Variants in COMMD5 observed in about 807,000 individuals in gnomAD.
COMMD5 encodes COMM domain containing 5.
A neutral mutation model predicts 6.9 loss-of-function variants in COMMD5; 10 were observed. That is an observed-to-expected ratio of 1.44 (90% CI 0.89 to 2.45). COMMD5 has a LOEUF of 2.45. Among genes scored for constraint, COMMD5 ranks in the 30% most tolerant of loss-of-function variants. The pLI is 0.00. For synonymous variants in COMMD5, 127 were observed against 125.3 expected, an observed-to-expected ratio of 1.01 and a Z score of -0.09; for missense variants, 234 against 287.8, an observed-to-expected ratio of 0.81 and a Z score of 1.35.
chr8:144,846,394 T>C (rs749363891), downstream of COMMD5: 13 of 551,868 alleles, frequency 2.4e-5, no homozygotes, highest in Non-Finnish European at 3.8e-5. Flanking sequence ...TTGAAAACTA[T>C]GTTAAAATCG....
chr8:144,847,514 G>A (rs577064318), downstream of COMMD5: 3 of 152,198 alleles, frequency 2.0e-5, no homozygotes, highest in Non-Finnish European at 4.4e-5. Flanking sequence ...ACCTAGGCCT[G>A]GAATTGCTTT....
At chr8:144,851,456 G>A in intron 1 of COMMD5, 61 bp from the exon 2 acceptor site, 2 of 1,082,210 alleles carry the variant, frequency 1.8e-6, no homozygotes, top group Non-Finnish European at 2.7e-6. Context: ...CAGCGAGTGA[G>A]GGTTGATATG....
Position 144,850,890 on chromosome 8 carries a change from G to T in COMMD5, c.449C>A (p.Pro150Gln). The T allele has an allele frequency of 6.2e-7, 1 of 1,611,156 alleles. No homozygotes were observed. Among genetic ancestry groups the T allele is most frequent in the Non-Finnish European group, 8.5e-7 (1 of 1,179,016 alleles). The change falls in exon 2 of 2, where the codon CCG becomes CAG. Residue 150 changes from proline (P) to glutamine (Q), a missense_variant. Physicochemically the swap from Pro to Gln is moderately conservative, Grantham distance 76 (BLOSUM62 -1). Coordinates refer to ENST00000305103, the MANE Select transcript of COMMD5 (RefSeq NM_014066.4). The surrounding 1 kb of genome is among the most constrained non-coding windows in gnomAD (Gnocchi z 4.0). ...SVAQQQGAWLPHVADFRWRVD... is the reference protein window; with the variant it reads ...SVAQQQGAWLQHVADFRWRVD... ...CCGCCACCGAAAGTCAGCAACATGC[G>T]GCAGCCAGGCCCCCTGCTGCTGGGC...
intron 1 of COMMD5, chr8:144,841,938 C>A (rs1563842067): frequency 6.2e-7 from 1 of 1,614,108 alleles, no homozygotes; most frequent in Non-Finnish European, 8.5e-7. Context: ...GAGAGAAACC[C>A]TTTAAATGCA....
chr8:144,848,083 T>C (rs1048216835), downstream of COMMD5, among the ~76,000 whole-genome samples: 6 of 152,134 alleles, frequency 3.9e-5, no homozygotes, highest in African/African-American at 1.4e-4. Context: ...TGGTGGCTCA[T>C]TGCTGTAAAA....
chr8:144,847,988 C>T (rs3853557), downstream of COMMD5, among the ~76,000 whole-genome samples: 54,391 of 151,844 alleles, frequency 0.36, 9,872 homozygotes, highest in South Asian at 0.45. Context: ...ATGGGGTTGG[C>T]GCCAACCATG....
At chr8:144,843,266 TTGGTA>T (rs1830211542) in intron 1 of COMMD5, 8 of 1,379,462 alleles carry the variant, frequency 5.8e-6, no homozygotes, top group Non-Finnish European at 6.8e-6. Context: ...ATGTAGAATG[TTGGTA>T]AAGGTTCAGA....
chr8:144,841,858 G>A lies in COMMD5; in HGVS notation c.*117-115C>T, dbSNP rs548449450. 2.4e-5 allele frequency: 39 copies of A among 1,614,132 alleles called. No homozygotes were observed. Among genetic ancestry groups the A allele is most frequent in the Admixed American group, 3.3e-5 (2 of 60,026 alleles). ...TAACTGCCATGGAGAGAAGCCGTAC[G>A]AATGTGCAGAGTGTGGGAAAGTCTT... is the stretch of plus-strand genomic sequence containing the variant. On this transcript the variant is annotated intron_variant and NMD_transcript_variant, in intron 1 of 1. Transcript: ENST00000530332.
intron 1 of COMMD5, chr8:144,843,357 A>G (rs1291544875): frequency 6.5e-6 from 4 of 617,570 alleles, no homozygotes; most frequent in Middle Eastern, 4.4e-4. Flanking sequence ...TGGGAGGCCA[A>G]GGCGGGCACA....
downstream of COMMD5, among the ~76,000 whole-genome samples, chr8:144,847,774 C>T (rs151158431): frequency 1.9e-3 from 291 of 152,322 alleles, 1 homozygote; most frequent in African/African-American, 6.7e-3. Context: ...AAATCACCAG[C>T]AAGTTTCCAC....
intron 1 of COMMD5, chr8:144,842,196 T>A (rs760879577): frequency 6.2e-7 from 1 of 1,613,256 alleles, no homozygotes; most frequent in Non-Finnish European, 8.5e-7. Flanking sequence ...GGCCCTACCC[T>A]TGCAAGGAGT....
rs760154235 is a variant in COMMD5, at chr8:144,850,867, G to A, written c.472C>T (p.Arg158Trp). The change falls in exon 2 of 2, where the codon CGG becomes TGG. Residue 158 changes from arginine (R) to tryptophan (W), a missense_variant. Arg to Trp is a moderately radical substitution (Grantham distance 101). Transcript: ENST00000305103. This position sits in a 1 kb window ranked among gnomAD's most constrained non-coding sequence, Gnocchi z 4.0. ...CTGGTGGAGATTGCTACATCCACCC[G>A]CCACCGAAAGTCAGCAACATGCGGC... is the stretch of plus-strand genomic sequence containing the variant. ...WLPHVADFRW[R>W]VDVAISTSAL... The A allele has an allele frequency of 3.7e-6, 6 of 1,613,060 alleles. No homozygotes were observed. Among genetic ancestry groups the A allele is most frequent in the East Asian group, 2.2e-5 (1 of 44,858 alleles).
chr8:144,843,204 A>C (rs1830199214), intron 1 of COMMD5: 2 of 1,524,702 alleles, frequency 1.3e-6, no homozygotes, highest in Admixed American at 2.2e-5. Flanking sequence ...ATGTGAATAA[A>C]CCTATAGCCT....
chr8:144,840,564 G>A (rs1199442661), downstream of COMMD5, among the ~76,000 whole-genome samples: 1 of 152,226 alleles, frequency 6.6e-6, no homozygotes, highest in Admixed American at 6.5e-5. Context: ...ACATCAAGGA[G>A]ATGTCTGACC....
chr8:144,848,172 C>T (rs1830596685), downstream of COMMD5, among the ~76,000 whole-genome samples: 1 of 151,976 alleles, frequency 6.6e-6, no homozygotes, highest in Non-Finnish European at 1.5e-5. Context: ...GTGGCAAAAC[C>T]CCATCTCTAC....
At position 144,850,828 on chromosome 8, in the gene COMMD5, A is replaced by G; in HGVS notation, c.511T>C (p.Ser171Pro). ...VAISTSALAR[S>P]LQPSVLMQLK... Reference sequence around the variant, plus strand: ...TGCATCAGGACGCTCGGCTGCAGGGAGCGAGCCAGGGCACTGGTGGAGATT... The same window carrying G: ...TGCATCAGGACGCTCGGCTGCAGGGGGCGAGCCAGGGCACTGGTGGAGATT... The change falls in exon 2 of 2, where the codon TCC becomes CCC. Residue 171 changes from serine (S) to proline (P), a missense_variant. Physicochemically the swap from Ser to Pro is moderately conservative, Grantham distance 74 (BLOSUM62 -1). Transcript: ENST00000305103. This position sits in a 1 kb window ranked among gnomAD's most constrained non-coding sequence, Gnocchi z 4.0. 6.2e-7 allele frequency: 1 copy of G among 1,613,854 alleles called. No homozygotes were observed. Among genetic ancestry groups the G allele is most frequent in the Non-Finnish European group, 8.5e-7 (1 of 1,180,030 alleles).
intron 1 of COMMD5, chr8:144,843,118 T>G: frequency 6.2e-7 from 1 of 1,610,482 alleles, no homozygotes; most frequent in Non-Finnish European, 8.5e-7. Flanking sequence ...TGGCAAAGCT[T>G]TTAATCGTAG....
intron 1 of COMMD5, 21 bp from the exon 2 acceptor site, chr8:144,851,416 G>T: frequency 2.0e-6 from 3 of 1,475,998 alleles, no homozygotes; most frequent in Non-Finnish European, 2.8e-6. Flanking sequence ...GTGGAGGAGA[G>T]AAGACCAGTG....
chr8:144,839,476 T>C (rs1358172801), downstream of COMMD5, among the ~76,000 whole-genome samples: 4 of 152,238 alleles, frequency 2.6e-5, no homozygotes, highest in African/African-American at 7.2e-5. Context: ...GTCTCCAACA[T>C]GGACAGGAGC....
Sources: allele counts gnomAD v4.1 joint callset (sites outside exome capture counted in the v4.1 genomes callset), GRCh38; gene constraint gnomAD v4.1.1; non-coding constraint Gnocchi (gnomAD v3.1); transcripts MANE v1.5; gene names NCBI Gene and HGNC (gene_info 2026-07-23, HGNC 2026-07-21).